INTS14: variants seen among roughly 807,000 people sequenced by gnomAD.
INTS14 encodes UPF0464 protein C15orf44.
INTS14 carries 27 observed loss-of-function variants against 56.9 expected under a neutral mutation model. The ratio of observed to expected loss-of-function variants is 0.47; its 90% CI spans 0.35 to 0.65. The LOEUF (loss-of-function observed/expected upper bound fraction) is 0.65. Ranked by LOEUF, INTS14 falls within the 30% of genes least tolerant of loss-of-function variation. The pLI, the probability that INTS14 is intolerant of heterozygous loss-of-function variation, is 0.00. For synonymous variants in INTS14, 207 were observed against 236.2 expected (o/e 0.88, Z 1.13); for missense variants, 517 against 632.2 (o/e 0.82, Z 1.95).
intron 9 of INTS14, among the ~76,000 whole-genome samples, chr15:65,590,655 G>C (rs1305023024): frequency 6.6e-6 from 1 of 152,188 alleles, no homozygotes; most frequent in Non-Finnish European, 1.5e-5. Flanking sequence ...CCTCTAGGCA[G>C]AGCTCATCAT....
chr15:65,611,078 C>A lies in INTS14; in HGVS notation c.-63+20G>T. ...ACAAGCAGCGAAAGGCAGTCCCGGG[C>A]CCTCGGCCTCCCCACTCACCCCGTG... is the stretch of plus-strand genomic sequence containing the variant. On this transcript the variant is annotated intron_variant, in intron 1 of 11. Coordinates refer to ENST00000313182, the MANE Select transcript of INTS14 (RefSeq NM_001394796.1). The A allele has an allele frequency of 1.3e-6, 2 of 1,535,716 alleles. No individual in the cohort carries two copies. The highest frequency in any genetic ancestry group is 2.4e-5 in the South Asian group (2 of 84,046).
chr15:65,601,021 C>G (rs577767102), intron 3 of INTS14, among the ~76,000 whole-genome samples: 4 of 152,274 alleles, frequency 2.6e-5, no homozygotes, highest in Admixed American at 6.5e-5. Flanking sequence ...GAAGTACCAG[C>G]ACAGTAGTCT....
chr15:65,599,579 A>T (rs2073350510), intron 4 of INTS14, 195 bp downstream of exon 4: 11 of 547,074 alleles, frequency 2.0e-5, no homozygotes, highest in Non-Finnish European at 3.3e-5. Flanking sequence ...TATGTTCCCC[A>T]GATGAGGCAA....
At chr15:65,588,245 C>T (rs993235826) in intron 9 of INTS14, among the ~76,000 whole-genome samples, 1 of 151,896 alleles carries the variant, frequency 6.6e-6, no homozygotes, top group African/African-American at 2.4e-5. Flanking sequence ...GCTGAGATCA[C>T]GCCACTACAG....
At chr15:65,585,759 C>T (rs972073042) in intron 9 of INTS14, among the ~76,000 whole-genome samples, 1 of 152,082 alleles carries the variant, frequency 6.6e-6, no homozygotes, top group Non-Finnish European at 1.5e-5. Flanking sequence ...ATCTCTTGCC[C>T]AAAAGTTTGT....
In INTS14 at chr15:65,578,924, G is replaced by A. The variant is rs1398521887; in HGVS notation, c.*484C>T. 6.5e-6 allele frequency: 1 copy of A among 152,850 alleles called. No homozygotes were observed. The highest frequency in any genetic ancestry group is 2.4e-5 in the African/African-American group (1 of 41,470). The allele number at this position is 152,850 out of a possible 1,614,324, so 9.5% of individuals were successfully genotyped here. ...AGAGTTACCACCACATTTTGCCCAA[G>A]TTCTAAGGAAAGTTCTGAAACTTAG... is the stretch of plus-strand genomic sequence containing the variant. On this transcript the variant is annotated 3_prime_UTR_variant, in exon 12 of 12. Transcript: ENST00000313182.
Position 65,579,503 on chromosome 15 carries a change from G to C in INTS14, c.1462C>G (p.Leu488Val), listed in dbSNP as rs771549509. The change falls in exon 12 of 12, where the codon CTG (leucine) becomes GTG (valine). Residue 488 changes from leucine (L) to valine (V), a missense_variant. Transcript: ENST00000313182. ...TACTCAGAGGTGCCGGTACTGGCCA[G>C]CTTGAGCTGCTGGGCAGCATGGGTC... ...QLTHAAQQLKLASTGTSEYAA... is the reference protein window; with the variant it reads ...QLTHAAQQLKVASTGTSEYAA... 3.9e-5 allele frequency: 63 copies of C among 1,614,140 alleles called. No individual in the cohort carries two copies. Among genetic ancestry groups the C allele is most frequent in the Middle Eastern group, 1.6e-4 (1 of 6,084 alleles).
chr15:65,585,038 G>T, intron 9 of INTS14, 150 bp from the exon 10 acceptor site: 1 of 659,750 alleles, frequency 1.5e-6, no homozygotes, highest in Non-Finnish European at 2.4e-6. Flanking sequence ...TCAGGTTGGA[G>T]AACCTGTTCT....
chr15:65,596,628 T>C (rs1596253941), intron 6 of INTS14, among the ~76,000 whole-genome samples: 1 of 152,278 alleles, frequency 6.6e-6, no homozygotes, highest in African/African-American at 2.4e-5. Context: ...TGGAGTGCAA[T>C]GGCGCAATCT....
intron 5 of INTS14, 128 bp downstream of exon 5, chr15:65,598,744 T>C: frequency 1.2e-6 from 1 of 856,902 alleles, no homozygotes; most frequent in Non-Finnish European, 1.8e-6. Context: ...TCACTTTATC[T>C]GAAAAATGTA....
intron 3 of INTS14, among the ~76,000 whole-genome samples, chr15:65,603,885 A>C (rs2073539407): frequency 6.6e-6 from 1 of 152,206 alleles, no homozygotes. Context: ...CTAAAATACA[A>C]AAAAACTTGC....
intron 9 of INTS14, among the ~76,000 whole-genome samples, chr15:65,587,262 A>G (rs1043415432): frequency 1.3e-5 from 2 of 152,154 alleles, no homozygotes; most frequent in African/African-American, 2.4e-5. Context: ...GGAGAGATGT[A>G]AAGGGGAGAC....
At chr15:65,594,596 G>T (rs1439190169) in intron 7 of INTS14, among the ~76,000 whole-genome samples, 1 of 149,758 alleles carries the variant, frequency 6.7e-6, no homozygotes, top group Non-Finnish European at 1.5e-5. Context: ...TGGAGATGGG[G>T]TTTTACCATG....
At chr15:65,601,637 G>A (rs953413899) in intron 3 of INTS14, among the ~76,000 whole-genome samples, 14 of 152,094 alleles carry the variant, frequency 9.2e-5, no homozygotes, top group African/African-American at 1.4e-4. Flanking sequence ...CACCGCGCCC[G>A]GCCCTTAAGG....
chr15:65,591,656 C>G lies in INTS14; in HGVS notation c.1062G>C (p.Glu354Asp). ...GCCATGGGAGAGGTTCTGGGCCAGGCTCAAAGAGAGACATCATGAGGTTTG... is the reference window on the plus strand; with the variant it reads ...GCCATGGGAGAGGTTCTGGGCCAGGGTCAAAGAGAGACATCATGAGGTTTG... ...KKSNLMMSLF[E>D]PGPEPLPWLG... The change falls in exon 9 of 12, where the codon GAG (glutamate) becomes GAC (aspartate). Residue 354 changes from glutamate to aspartate, a missense_variant. Physicochemically the swap from Glu to Asp is conservative, Grantham distance 45. Coordinates refer to ENST00000313182, the MANE Select transcript of INTS14 (RefSeq NM_001394796.1). The G allele has an allele frequency of 6.2e-7, 1 of 1,614,202 alleles. No homozygotes were observed.
rs181304213 is a variant in INTS14, at chr15:65,607,478, G to A, written c.-62-36C>T. 21 of 1,533,736 alleles carry A rather than the reference G, an allele frequency of 1.4e-5. No individual in the cohort carries two copies. The Admixed American group carries it at 2.1e-4, about 15-fold the overall frequency. On this transcript the variant is annotated intron_variant, in intron 1 of 11. Transcript: ENST00000313182. ...TAAATACGTTCTTACATGTCATGGA[G>A]AGAAAATAATATTTTTCACCATAAC...
chr15:65,607,206 G>C lies in INTS14; in HGVS notation c.175C>G (p.Leu59Val). The C allele has an allele frequency of 1.9e-6, 3 of 1,614,188 alleles. No individual in the cohort carries two copies. Among genetic ancestry groups the C allele is most frequent in the Non-Finnish European group, 2.5e-6 (3 of 1,180,038 alleles). The change falls in exon 2 of 12, where the codon CTT becomes GTT. Residue 59 changes from leucine to valine, a missense_variant. Coordinates refer to ENST00000313182, the MANE Select transcript of INTS14 (RefSeq NM_001394796.1). Reference sequence around the variant, plus strand: ...GTGAAGGGGACCATCAACTCCCAAAGTGATGAAAAAACCACAAGTGCTGTA... The same window carrying C: ...GTGAAGGGGACCATCAACTCCCAAACTGATGAAAAAACCACAAGTGCTGTA... ...EFTALVVFSSLWELMVPFTRD... is the reference protein window; with the variant it reads ...EFTALVVFSSVWELMVPFTRD...
rs760637481 is a variant in INTS14 at position 65,598,978 on chromosome 15, C to T, written c.499G>A (p.Asp167Asn). 59 of 1,613,236 alleles carry T rather than the reference C, an allele frequency of 3.7e-5. No individual in the cohort carries two copies. The highest frequency in any genetic ancestry group is 1.4e-4 in the South Asian group (13 of 90,942). Residue 167 changes from aspartate to asparagine, a missense_variant, in exon 5 of 12, where the codon GAT becomes AAT. Transcript: ENST00000313182. ...AGACGTTCAAGGCATTCCAAGGAAT[C>T]GGTGCTCTGGAGCTATAAAGCAAAA... ...MANLEELQST[D>N]SLECLERLID...
chr15:65,595,888 T>C, intron 6 of INTS14, 63 bp from the exon 7 acceptor site: 1 of 1,305,062 alleles, frequency 7.7e-7, no homozygotes, highest in Non-Finnish European at 1.1e-6. Flanking sequence ...ATTTTCCATG[T>C]ATTACATTTC....
Sources: gnomAD v4.1 joint callset for allele counts (sites outside exome capture counted in the v4.1 genomes callset) on GRCh38, gnomAD v4.1.1 for gene constraint, MANE v1.5 for transcripts, NCBI Gene and HGNC (gene_info 2026-07-23, HGNC 2026-07-21) for gene names.